IGSF5: variants seen among roughly 807,000 people sequenced by gnomAD.
The protein encoded by IGSF5 is immunoglobulin superfamily 5 like.
Under a neutral mutation model 39.4 loss-of-function variants are expected in IGSF5, and 41 were observed. The ratio of observed to expected loss-of-function variants is 1.04; its 90% CI spans 0.81 to 1.35. The LOEUF (loss-of-function observed/expected upper bound fraction) is 1.35, where lower values mean the gene tolerates loss of function less well. IGSF5 is among the 40% of genes most tolerant of loss of function. The pLI is 0.00. For synonymous variants in IGSF5, 183 were observed against 175.3 expected, an observed-to-expected ratio of 1.04 and a Z score of -0.34; for missense variants, 487 against 494.6, an observed-to-expected ratio of 0.98 and a Z score of 0.15.
At chr21:39,731,404 C>T in the IGSF5 span, among the ~76,000 whole-genome samples, 2 of 152,200 alleles carry the variant, frequency 1.3e-5, no homozygotes, top group Non-Finnish European at 2.9e-5. Flanking sequence ...GATGCATGTC[C>T]TTCCATATTC....
At chr21:39,744,251 C>T (rs1390966837), upstream of IGSF5, among the ~76,000 whole-genome samples, 1 of 152,194 alleles carries the variant, frequency 6.6e-6, no homozygotes, top group African/African-American at 2.4e-5. Flanking sequence ...GGAGTGAGTC[C>T]TAGAGCTGGG....
At position 39,765,788 on chromosome 21, in the gene IGSF5, G is replaced by A. The variant is rs747949473; in HGVS notation, c.354G>A (p.Ser118=). 33 of 1,614,012 alleles carry A rather than the reference G, an allele frequency of 2.0e-5. No homozygotes were observed. The highest frequency in any genetic ancestry group is 1.6e-4 in the Middle Eastern group (1 of 6,062). The change falls in exon 3 of 9, where the codon TCG becomes TCA. Residue 118 remains serine (S), a synonymous_variant. Transcript: ENST00000380588. ...TCCACAATGTGGAGCCCAGTGATTC[G>A]GGGAACATCAGATGCAGCCTCCAGA... ...MIIHNVEPSD[S]GNIRCSLQNS...
upstream of IGSF5, among the ~76,000 whole-genome samples, chr21:39,742,179 C>T (rs774334859): frequency 2.6e-5 from 4 of 151,810 alleles, no homozygotes; most frequent in Admixed American, 2.0e-4. Flanking sequence ...AATGGGTGTT[C>T]CTTCTCCTAT....
At chr21:39,795,051 A>T (rs2086987407) in intron 8 of IGSF5, among the ~76,000 whole-genome samples, 1 of 152,110 alleles carries the variant, frequency 6.6e-6, no homozygotes, top group Non-Finnish European at 1.5e-5. Context: ...AGACAACAAG[A>T]CATATGAGGG....
rs1376626648 is a variant in IGSF5, at chr21:39,746,096, C to T, written c.18-120C>T. ...GAAGCTGTGGGTCATGGGAGAGAAC[C>T]ATGGAAGCCAGTGACTAGTGTTTAG... On this transcript the variant is annotated intron_variant, in intron 1 of 8. Coordinates refer to ENST00000380588, the MANE Select transcript of IGSF5 (RefSeq NM_001080444.2). 2.8e-5 allele frequency: 19 copies of T among 678,286 alleles called. No homozygotes were observed. The East Asian group carries it at 3.0e-4, about 11-fold the overall frequency. 42.0% of individuals were successfully genotyped at this position (678,286 alleles called of 1,614,324 possible).
At chr21:39,719,256 C>A in the IGSF5 span, among the ~76,000 whole-genome samples, 4 of 152,316 alleles carry the variant, frequency 2.6e-5, no homozygotes, top group East Asian at 7.7e-4. Flanking sequence ...CCTGCCTCAG[C>A]CTCCCGTGTA....
the IGSF5 span, chr21:39,725,752 A>T: frequency 6.6e-6 from 1 of 152,186 alleles, no homozygotes; most frequent in South Asian, 2.1e-4. Context: ...AAACTAGCAC[A>T]TCATGCTCAT....
chr21:39,769,769 C>A (rs2080105180), intron 3 of IGSF5, among the ~76,000 whole-genome samples: 1 of 151,904 alleles, frequency 6.6e-6, no homozygotes, highest in Non-Finnish European at 1.5e-5. Context: ...ATATGTTAAT[C>A]AAAATTAACA....
chr21:39,793,986 G>A (rs1346086535), intron 8 of IGSF5, among the ~76,000 whole-genome samples: 1 of 152,188 alleles, frequency 6.6e-6, no homozygotes, highest in Non-Finnish European at 1.5e-5. Context: ...CTGCTCTCCT[G>A]GTTACCCGCT....
chr21:39,745,139 GTC>G (rs1163600364), upstream of IGSF5, among the ~76,000 whole-genome samples: 9 of 145,522 alleles, frequency 6.2e-5, no homozygotes, highest in East Asian at 2.1e-4. Flanking sequence ...CTGCCTCTCT[GTC>G]TCTCTCTCTC....
chr21:39,787,331 G>A (rs115203866), intron 5 of IGSF5, among the ~76,000 whole-genome samples: 359 of 152,222 alleles, frequency 2.4e-3, no homozygotes, highest in African/African-American at 8.3e-3. Flanking sequence ...ACCTGAGAAC[G>A]TTATCTAAAA....
intron 2 of IGSF5, among the ~76,000 whole-genome samples, chr21:39,751,685 A>T (rs955284232): frequency 1.3e-5 from 2 of 152,244 alleles, no homozygotes. Flanking sequence ...ACCGACTTCG[A>T]GGGTACAAAT....
chr21:39,797,806 C>A (rs2087005944), intron 8 of IGSF5, among the ~76,000 whole-genome samples: 2 of 152,138 alleles, frequency 1.3e-5, no homozygotes, highest in African/African-American at 2.4e-5. Flanking sequence ...TAAGCATGAG[C>A]CACTGCACCT....
At chr21:39,736,668 C>G in the IGSF5 span, among the ~76,000 whole-genome samples, 2 of 152,224 alleles carry the variant, frequency 1.3e-5, no homozygotes, top group South Asian at 4.1e-4. Context: ...CCGGGGTCAC[C>G]GGGTTGGGGA....
At chr21:39,736,668 C>T in the IGSF5 span, among the ~76,000 whole-genome samples, 5 of 152,342 alleles carry the variant, frequency 3.3e-5, no homozygotes, top group South Asian at 6.2e-4. Context: ...CCGGGGTCAC[C>T]GGGTTGGGGA....
intron 2 of IGSF5, among the ~76,000 whole-genome samples, chr21:39,749,980 C>T (rs940059432): frequency 4.5e-4 from 69 of 152,128 alleles, no homozygotes; most frequent in African/African-American, 1.5e-3. Flanking sequence ...TGAAATTCAA[C>T]GGAACTGTTT....
chr21:39,764,357 T>A (rs1167609539), intron 2 of IGSF5, among the ~76,000 whole-genome samples: 1 of 152,150 alleles, frequency 6.6e-6, no homozygotes, highest in Non-Finnish European at 1.5e-5. Context: ...TTGCCATTTT[T>A]TTAGACAGAG....
chr21:39,785,012 C>T (rs549261638), intron 5 of IGSF5, among the ~76,000 whole-genome samples: 9 of 149,872 alleles, frequency 6.0e-5, no homozygotes, highest in Admixed American at 2.0e-4. Flanking sequence ...ATTTATTTAG[C>T]TATCAGAAAT....
intron 2 of IGSF5, among the ~76,000 whole-genome samples, chr21:39,759,473 A>G (rs1469720360): frequency 6.6e-6 from 1 of 152,146 alleles, no homozygotes; most frequent in African/African-American, 2.4e-5. Flanking sequence ...ATGGCACTGT[A>G]TGGGCCTATT....
Sources: gnomAD v4.1 joint callset for allele counts (sites outside exome capture counted in the v4.1 genomes callset) on GRCh38, gnomAD v4.1.1 for gene constraint, MANE v1.5 for transcripts, NCBI Gene and HGNC (gene_info 2026-07-23, HGNC 2026-07-21) for gene names.